Variants in WDFY3 observed in about 807,000 individuals in gnomAD.
WDFY3 encodes WD repeat and FYVE domain containing 3.
A neutral mutation model predicts 409.6 loss-of-function variants in WDFY3; 66 were observed. The ratio of observed to expected loss-of-function variants is 0.16; its 90% CI spans 0.13 to 0.20. WDFY3 has a LOEUF of 0.20. WDFY3 is among the 10% of genes least tolerant of loss of function. WDFY3 has a pLI of 1.00. For missense variants in WDFY3, 3,031 were observed against 4,298.1 expected (o/e 0.71, Z 8.24); for synonymous variants, 1,521 against 1,537.1 (o/e 0.99, Z 0.25).
intron 3 of WDFY3, among the ~76,000 whole-genome samples, chr4:84,877,589 G>A (rs928579167): frequency 6.6e-6 from 1 of 152,174 alleles, no homozygotes; most frequent in Admixed American, 6.5e-5. Context: ...GTGAGCCACT[G>A]TGCCTGGCTG....
intron 47 of WDFY3, 132 bp from the exon 48 acceptor site, chr4:84,718,702 G>A: frequency 9.1e-7 from 1 of 1,103,832 alleles, no homozygotes; most frequent in Non-Finnish European, 1.2e-6. Flanking sequence ...ATTAAGCTTA[G>A]ATTACAGTCT....
chr4:84,841,166 A>G lies in WDFY3; in HGVS notation c.402T>C (p.Ala134=). Residue 134 remains alanine (A), a synonymous_variant, in exon 6 of 68, where the codon GCT becomes GCC. Transcript: ENST00000295888. The part of the protein sequence containing the change: ...WMLLTTINLL[A]SSGQKTVDCM... ...ACTAAGAACTTACCTGACCAGAGGA[A>G]GCTAACAAATTAATTGTCGTTAGAA... 1 of 1,609,300 alleles carries G rather than the reference A, an allele frequency of 6.2e-7. No individual in the cohort carries two copies. The highest frequency in any genetic ancestry group is 8.5e-7 in the Non-Finnish European group (1 of 1,179,104).
intron 3 of WDFY3, among the ~76,000 whole-genome samples, chr4:84,867,621 C>A (rs1427339784): frequency 6.6e-6 from 1 of 152,180 alleles, no homozygotes; most frequent in Non-Finnish European, 1.5e-5. Context: ...CCACTTTAAA[C>A]TTGCTCACCC....
At chr4:84,790,230 G>T (rs1050966909) in intron 21 of WDFY3, among the ~76,000 whole-genome samples, 2 of 151,912 alleles carry the variant, frequency 1.3e-5, no homozygotes, top group Non-Finnish European at 2.9e-5. Flanking sequence ...CGCGTCTGTA[G>T]TTCCAGCTAC....
intron 13 of WDFY3, among the ~76,000 whole-genome samples, chr4:84,812,100 T>C (rs1752591850): frequency 6.6e-6 from 1 of 152,188 alleles, no homozygotes; most frequent in Non-Finnish European, 1.5e-5. Flanking sequence ...ATATACTGTT[T>C]CAGAAGTTAT....
In WDFY3 at chr4:84,831,075, T is replaced by C. The variant is rs570861364; in HGVS notation, c.769+338A>G. ...GGTGGTGTGCACCTGTAATCCCAGC[T>C]ACTCAGGAGGCTAGGGCAGAGAACT... On this transcript the variant is annotated intron_variant, in intron 8 of 67. Transcript: ENST00000295888. Among the ~76,000 whole-genome samples, 420 of 150,668 alleles carry C rather than the reference T, an allele frequency of 2.8e-3. 2 individuals carry two copies. The highest frequency in any genetic ancestry group is 9.8e-3 in the African/African-American group (403 of 41,060).
chr4:84,790,777 C>A (rs1162945426), intron 21 of WDFY3, among the ~76,000 whole-genome samples: 1 of 151,982 alleles, frequency 6.6e-6, no homozygotes, highest in Non-Finnish European at 1.5e-5. Context: ...AACTAATAAT[C>A]AATTAAAAAT....
chr4:84,865,018 T>C (rs1005586421), intron 3 of WDFY3, among the ~76,000 whole-genome samples: 6 of 152,090 alleles, frequency 3.9e-5, no homozygotes, highest in African/African-American at 1.2e-4. Context: ...GCCTCCCTAG[T>C]AGCTGGGATG....
At chr4:84,900,566 T>C (rs1182704412) in intron 2 of WDFY3, among the ~76,000 whole-genome samples, 1 of 152,202 alleles carries the variant, frequency 6.6e-6, no homozygotes, top group Non-Finnish European at 1.5e-5. Context: ...AAAGGCATTA[T>C]GCTGAGTCAA....
chr4:84,965,020 A>G (rs1561181199), intron 1 of WDFY3, among the ~76,000 whole-genome samples: 1 of 152,220 alleles, frequency 6.6e-6, no homozygotes, highest in South Asian at 2.1e-4. Flanking sequence ...CCTAATTCCT[A>G]TACTTAAGAG....
At chr4:84,724,135 A>G (rs569645096) in intron 46 of WDFY3, among the ~76,000 whole-genome samples, 24 of 152,368 alleles carry the variant, frequency 1.6e-4, no homozygotes, top group African/African-American at 5.8e-4. Flanking sequence ...GAAAAAATAC[A>G]TATGTGTATT....
intron 60 of WDFY3, among the ~76,000 whole-genome samples, 177 bp from the exon 61 acceptor site, chr4:84,690,841 T>C (rs752767308): frequency 2.0e-5 from 3 of 152,186 alleles, no homozygotes; most frequent in Admixed American, 6.5e-5. Context: ...GAACTACCCC[T>C]ACCGCCTCCA....
chr4:84,807,210 T>C (rs1196916705), intron 15 of WDFY3, among the ~76,000 whole-genome samples: 1 of 152,204 alleles, frequency 6.6e-6, no homozygotes, highest in Non-Finnish European at 1.5e-5. Context: ...CAAATTTATC[T>C]AGTTTATCAT....
intron 2 of WDFY3, among the ~76,000 whole-genome samples, chr4:84,908,003 G>T (rs1767276024): frequency 6.6e-6 from 1 of 152,058 alleles, no homozygotes; most frequent in Non-Finnish European, 1.5e-5. Flanking sequence ...CATGTAAGGT[G>T]CAAGGAAAGT....
chr4:84,785,526 C>T (rs1747397648), intron 24 of WDFY3, among the ~76,000 whole-genome samples: 1 of 152,248 alleles, frequency 6.6e-6, no homozygotes, highest in Middle Eastern at 3.4e-3. Context: ...TTCTAACATA[C>T]TTCATGATTA....
intron 36 of WDFY3, among the ~76,000 whole-genome samples, chr4:84,745,446 A>G (rs1739266244): frequency 1.3e-5 from 2 of 152,246 alleles, no homozygotes; most frequent in East Asian, 3.9e-4. Context: ...ATGCTGTTCT[A>G]TTTTCCCTTC....
chr4:84,863,117 C>T (rs986278280), intron 3 of WDFY3, among the ~76,000 whole-genome samples: 1 of 152,174 alleles, frequency 6.6e-6, no homozygotes, highest in African/African-American at 2.4e-5. Context: ...CTTTGTCATT[C>T]TTCTGTCAAG....
intron 5 of WDFY3, among the ~76,000 whole-genome samples, chr4:84,844,203 G>A (rs1757766669): frequency 6.6e-6 from 1 of 152,074 alleles, no homozygotes; most frequent in Non-Finnish European, 1.5e-5. Flanking sequence ...GTTAATAAGT[G>A]AAATACAAGT....
intron 53 of WDFY3, among the ~76,000 whole-genome samples, chr4:84,708,677 A>C (rs1732395403): frequency 6.6e-6 from 1 of 151,872 alleles, no homozygotes; most frequent in African/African-American, 2.4e-5. Flanking sequence ...AGTAGCTGGG[A>C]CATCTGGGGT....
Sources: allele counts gnomAD v4.1 joint callset (sites outside exome capture counted in the v4.1 genomes callset), GRCh38; gene constraint gnomAD v4.1.1; transcripts MANE v1.5; gene names NCBI Gene and HGNC (gene_info 2026-07-23, HGNC 2026-07-21).